CLDN16: variants seen among roughly 807,000 people sequenced by gnomAD.
CLDN16 encodes claudin-16.
CLDN16 carries 13 observed loss-of-function variants against 24.6 expected under a neutral mutation model. That is an observed-to-expected ratio of 0.53 (90% CI 0.34 to 0.84). CLDN16 has a LOEUF of 0.84. Ranked by LOEUF, CLDN16 falls within the 40% of genes least tolerant of loss-of-function variation. The probability of loss-of-function intolerance (pLI) is 0.01; values close to 1 mark genes in which losing one functional copy is unlikely to be tolerated. For synonymous variants in CLDN16, 116 were observed against 106.7 expected (o/e 1.09, Z -0.54); for missense variants, 298 against 292.7 (o/e 1.02, Z -0.13).
chr3:190,308,550 C>A, the CLDN16 span: 10 of 1,005,448 alleles, frequency 9.9e-6, no homozygotes, highest in African/African-American at 1.5e-4. Context: ...TTGAAAATAA[C>A]CCCTGAATAT....
intron 2 of CLDN16, 144 bp downstream of exon 2, chr3:190,402,583 C>T (rs1015083535): frequency 1.6e-5 from 11 of 701,340 alleles, no homozygotes; most frequent in Non-Finnish European, 2.1e-5. Flanking sequence ...GAGCTCATCT[C>T]GGAAATGTGA....
At chr3:190,332,653 G>T (rs1398562826) in intron 1 of CLDN16, among the ~76,000 whole-genome samples, 4 of 152,112 alleles carry the variant, frequency 2.6e-5, no homozygotes, top group African/African-American at 9.7e-5. Context: ...AGAAAGATAA[G>T]ATTATGCAAA....
At chr3:190,313,823 A>T in the CLDN16 span, among the ~76,000 whole-genome samples, 6 of 152,204 alleles carry the variant, frequency 3.9e-5, no homozygotes, top group African/African-American at 1.4e-4. Context: ...TTGGTGTACT[A>T]ACTCATGATC....
At chr3:190,293,995 T>A in the CLDN16 span, among the ~76,000 whole-genome samples, 1 of 152,188 alleles carries the variant, frequency 6.6e-6, no homozygotes, top group Non-Finnish European at 1.5e-5. Flanking sequence ...AACAAATGAT[T>A]CTGGAGTTTT....
chr3:190,301,868 A>G, the CLDN16 span, among the ~76,000 whole-genome samples: 6 of 152,170 alleles, frequency 3.9e-5, no homozygotes, highest in Non-Finnish European at 8.8e-5. Flanking sequence ...TTTCAACACA[A>G]CAGGAAGAAT....
the CLDN16 span, among the ~76,000 whole-genome samples, chr3:190,293,280 C>A: frequency 1.3e-5 from 2 of 152,096 alleles, no homozygotes; most frequent in Admixed American, 1.3e-4. Context: ...ATGGGGGAAC[C>A]ACCCCCATGA....
At chr3:190,346,091 G>T (rs1331939365) in intron 1 of CLDN16, among the ~76,000 whole-genome samples, 2 of 152,004 alleles carry the variant, frequency 1.3e-5, no homozygotes, top group Non-Finnish European at 2.9e-5. Flanking sequence ...CCTATGGCAC[G>T]TAAGACAGAG....
intron 1 of CLDN16, among the ~76,000 whole-genome samples, chr3:190,363,597 T>TATTTTTTTTC (rs1560088069): frequency 7.4e-6 from 1 of 135,922 alleles, no homozygotes; most frequent in African/African-American, 2.7e-5. Flanking sequence ...TATATATATA[T>TATTTTTTTTC]TTTCTTTCTC....
chr3:190,354,170 C>T (rs1461651517), intron 1 of CLDN16, among the ~76,000 whole-genome samples: 1 of 151,932 alleles, frequency 6.6e-6, no homozygotes, highest in African/African-American at 2.4e-5. Flanking sequence ...GCATTTAGGT[C>T]TCATCTTGAT....
intron 1 of CLDN16, among the ~76,000 whole-genome samples, chr3:190,355,505 A>G (rs1717749050): frequency 6.6e-6 from 1 of 151,884 alleles, no homozygotes; most frequent in South Asian, 2.1e-4. Context: ...ATAATTTTGT[A>G]GAATGACCCA....
At chr3:190,377,286 G>A (rs1374384987) in intron 3 of CLDN16, among the ~76,000 whole-genome samples, 1 of 151,906 alleles carries the variant, frequency 6.6e-6, no homozygotes, top group Non-Finnish European at 1.5e-5. Flanking sequence ...TGTGGTAAAG[G>A]AAGCACCAAG....
At chr3:190,407,321 G>C (rs1278419816) in intron 3 of CLDN16, among the ~76,000 whole-genome samples, 1 of 152,116 alleles carries the variant, frequency 6.6e-6, no homozygotes, top group African/African-American at 2.4e-5. Context: ...GTAGGATCCA[G>C]TTATTTGGGT....
At chr3:190,384,926 A>G (rs1205227558), upstream of CLDN16, among the ~76,000 whole-genome samples, 2 of 152,168 alleles carry the variant, frequency 1.3e-5, no homozygotes, top group Non-Finnish European at 2.9e-5. Flanking sequence ...TTTATAATAA[A>G]TTGGAAAACA....
intron 1 of CLDN16, among the ~76,000 whole-genome samples, chr3:190,337,961 G>T (rs747790098): frequency 6.6e-6 from 1 of 152,242 alleles, no homozygotes; most frequent in South Asian, 2.1e-4. Flanking sequence ...CCCTTTTAAT[G>T]TATAGCTGTA....
the CLDN16 span, among the ~76,000 whole-genome samples, chr3:190,311,928 T>TA: frequency 2.0e-5 from 3 of 149,912 alleles, no homozygotes; most frequent in Non-Finnish European, 3.0e-5. Context: ...ACACTTGAAT[T>TA]AAAAAACAGA....
chr3:190,327,002 AGT>A (rs1473687435), intron 1 of CLDN16, among the ~76,000 whole-genome samples: 1 of 151,240 alleles, frequency 6.6e-6, no homozygotes, highest in African/African-American at 2.4e-5. Context: ...TATTAGTGGG[AGT>A]TCTCCAAAGA....
the CLDN16 span, among the ~76,000 whole-genome samples, chr3:190,296,308 A>G: frequency 6.6e-6 from 1 of 152,210 alleles, no homozygotes; most frequent in African/African-American, 2.4e-5. Flanking sequence ...AAAGAAAAAT[A>G]AAGCAGGGAA....
At chr3:190,401,387 A>C (rs1718958049) in intron 1 of CLDN16, among the ~76,000 whole-genome samples, 1 of 152,186 alleles carries the variant, frequency 6.6e-6, no homozygotes, top group Non-Finnish European at 1.5e-5. Flanking sequence ...TTATTTTCCA[A>C]GATAATTCAT....
chr3:190,392,636 A>C (rs1425116), intron 1 of CLDN16, among the ~76,000 whole-genome samples: 14,268 of 152,250 alleles, frequency 0.094, 893 homozygotes, highest in Non-Finnish European at 0.14. Flanking sequence ...AAAGCTACCC[A>C]AAAGAAGAGA....
Sources: gnomAD v4.1 joint callset for allele counts (sites outside exome capture counted in the v4.1 genomes callset) on GRCh38, gnomAD v4.1.1 for gene constraint, MANE v1.5 for transcripts, NCBI Gene and HGNC (gene_info 2026-07-23, HGNC 2026-07-21) for gene names.